The following NR1H4 variants were observed in gnomAD, a reference collection of about 807,000 sequenced individuals.
The protein encoded by NR1H4 is bile acid receptor.
In NR1H4, 23 loss-of-function variants were observed where a neutral mutation model predicts 58.5. The observed-to-expected ratio is 0.39, with a 90% CI of 0.28 to 0.56. The LOEUF (loss-of-function observed/expected upper bound fraction) is 0.56, where lower values mean the gene tolerates loss of function less well. Among genes scored for constraint, NR1H4 ranks in the 20% least tolerant of loss-of-function variants. NR1H4 has a pLI of 0.58. For missense variants in NR1H4, 487 were observed against 576.9 expected (o/e 0.84, Z 1.60); for synonymous variants, 214 against 198.0 (o/e 1.08, Z -0.68).
intron 3 of NR1H4, 71 bp from the exon 4 acceptor site, chr12:100,510,707 T>C (rs1354142797): frequency 2.5e-6 from 4 of 1,574,306 alleles, no homozygotes; most frequent in Non-Finnish European, 3.5e-6. Context: ...CTCCTAACCA[T>C]TACGCCAAAC....
chr12:100,512,308 T>A (rs928728527), intron 4 of NR1H4, among the ~76,000 whole-genome samples: 1 of 151,622 alleles, frequency 6.6e-6, no homozygotes, highest in Non-Finnish European at 1.5e-5. Flanking sequence ...AAAATTGCAA[T>A]CCATTTAAGA....
chr12:100,489,441 T>A (rs1416785867), intron 1 of NR1H4, among the ~76,000 whole-genome samples: 2 of 152,202 alleles, frequency 1.3e-5, no homozygotes, highest in Admixed American at 6.5e-5. Flanking sequence ...AGATATTCCA[T>A]AAACAAGTGG....
intron 4 of NR1H4, among the ~76,000 whole-genome samples, chr12:100,517,297 CT>C (rs1371580271): frequency 3.9e-5 from 6 of 152,142 alleles, no homozygotes; most frequent in African/African-American, 1.4e-4. Context: ...TCTTTCTGTG[CT>C]TGGCTTATTT....
rs918727809 is a variant in NR1H4 at position 100,527,876 on chromosome 12, TA to T, written c.446-4573del. On this transcript the variant is annotated intron_variant, in intron 4 of 10. Transcript: ENST00000392986. The stretch of plus-strand genomic sequence containing the variant: ...ATCCCTAAAACTTAAAGTATAATAA[TA>T]AAAAAAAAGAAAGAGATAATAGTAG... Among the ~76,000 whole-genome samples, 58 of 151,150 alleles carry T rather than the reference TA, an allele frequency of 3.8e-4. 1 individual carries two copies. Among genetic ancestry groups the T allele is most frequent in the African/African-American group, 1.1e-3 (47 of 41,230 alleles).
At chr12:100,504,833 GGA>G (rs1953920364) in intron 3 of NR1H4, among the ~76,000 whole-genome samples, 1 of 152,186 alleles carries the variant, frequency 6.6e-6, no homozygotes, top group South Asian at 2.1e-4. Context: ...AGTTCAGCGT[GGA>G]AGATAAGCCT....
chr12:100,512,756 GGCACTC>G (rs1954155428), intron 4 of NR1H4, among the ~76,000 whole-genome samples: 1 of 152,146 alleles, frequency 6.6e-6, no homozygotes, highest in African/African-American at 2.4e-5. Flanking sequence ...CCATGGGTCA[GGCACTC>G]TGCTAACATC....
chr12:100,490,210 G>T (rs1953576927), intron 1 of NR1H4, among the ~76,000 whole-genome samples: 3 of 152,194 alleles, frequency 2.0e-5, no homozygotes. Flanking sequence ...ATTTGAAGGT[G>T]CCAAGTTTAT....
chr12:100,510,925 A>G lies in NR1H4; in HGVS notation c.227A>G (p.Gln76Arg). 3.7e-6 allele frequency: 6 copies of G among 1,614,234 alleles called. No individual in the cohort carries two copies. Among genetic ancestry groups the G allele is most frequent in the Non-Finnish European group, 5.1e-6 (6 of 1,180,042 alleles). The change falls in exon 4 of 11, where the codon CAG becomes CGG. Residue 76 changes from glutamine (Q) to arginine (R), a missense_variant. Physicochemically the swap from Gln to Arg is conservative, Grantham distance 43 (BLOSUM62 1). Transcript: ENST00000392986. The stretch of plus-strand genomic sequence containing the variant: ...TCCAACCTGGGTTTCTACCCCCAGC[A>G]GCCTGAAGAGTGGTACTCTCCTGGA... ...YYSNLGFYPQQPEEWYSPGIY... is the reference protein window; with the variant it reads ...YYSNLGFYPQRPEEWYSPGIY...
At chr12:100,519,027 A>T (rs1339534303) in intron 4 of NR1H4, among the ~76,000 whole-genome samples, 1 of 151,830 alleles carries the variant, frequency 6.6e-6, no homozygotes, top group Admixed American at 6.6e-5. Context: ...ACCTCAAGTG[A>T]TCCACCCGTC....
At chr12:100,549,705 T>C (rs1955161485) in intron 9 of NR1H4, among the ~76,000 whole-genome samples, 1 of 152,208 alleles carries the variant, frequency 6.6e-6, no homozygotes, top group South Asian at 2.1e-4. Context: ...TGCATGTTTC[T>C]AGTTTATAAT....
intron 9 of NR1H4, among the ~76,000 whole-genome samples, chr12:100,541,274 C>CT (rs112652228): frequency 0.13 from 19,161 of 151,494 alleles, 2,837 homozygotes; most frequent in African/African-American, 0.36. Context: ...ACTTTTCTTT[C>CT]TTTTTTCTTC....
chr12:100,502,711 T>C (rs940928783), intron 3 of NR1H4, among the ~76,000 whole-genome samples: 1 of 152,218 alleles, frequency 6.6e-6, no homozygotes, highest in Admixed American at 6.5e-5. Flanking sequence ...AGCATAGTTT[T>C]CAATAAATTG....
At chr12:100,494,156 T>C (rs900743197) in intron 3 of NR1H4, among the ~76,000 whole-genome samples, 6 of 152,142 alleles carry the variant, frequency 3.9e-5, no homozygotes, top group African/African-American at 2.4e-5. Context: ...TGATATACCA[T>C]AATAGTGAAA....
chr12:100,563,162 C>A, intron 10 of NR1H4, 89 bp from the exon 11 acceptor site: 2 of 1,045,364 alleles, frequency 1.9e-6, no homozygotes, highest in Non-Finnish European at 2.9e-6. Flanking sequence ...TTAACTTACA[C>A]TTCAAAATAG....
chr12:100,484,377 G>A (rs970146328), intron 1 of NR1H4, among the ~76,000 whole-genome samples: 2 of 152,032 alleles, frequency 1.3e-5, no homozygotes, highest in Non-Finnish European at 2.9e-5. Context: ...CATGACACAC[G>A]GTATCTAAAT....
chr12:100,562,110 G>T, intron 10 of NR1H4, 112 bp downstream of exon 10: 1 of 652,826 alleles, frequency 1.5e-6, no homozygotes, highest in East Asian at 2.7e-5. Flanking sequence ...AAGTAAAGTA[G>T]CCTATAATTC....
chr12:100,555,179 T>G (rs1164354345), intron 9 of NR1H4, among the ~76,000 whole-genome samples: 1 of 152,198 alleles, frequency 6.6e-6, no homozygotes, highest in Non-Finnish European at 1.5e-5. Flanking sequence ...TCTAAAAATT[T>G]TAATATTTTC....
At chr12:100,533,485 T>C (rs1954742701) in intron 5 of NR1H4, among the ~76,000 whole-genome samples, 1 of 152,198 alleles carries the variant, frequency 6.6e-6, no homozygotes, top group African/African-American at 2.4e-5. Context: ...AATAGGTCTG[T>C]GTAAATAATC....
intron 8 of NR1H4, among the ~76,000 whole-genome samples, chr12:100,540,189 G>A (rs1364634526): frequency 3.3e-5 from 5 of 152,192 alleles, no homozygotes; most frequent in African/African-American, 9.6e-5. Context: ...TGAGTTCAGA[G>A]CAGATACATC....
Sources: allele counts gnomAD v4.1 joint callset (sites outside exome capture counted in the v4.1 genomes callset), GRCh38; gene constraint gnomAD v4.1.1; transcripts MANE v1.5; gene names NCBI Gene and HGNC (gene_info 2026-07-23, HGNC 2026-07-21).